Variants in MAP2K5 observed in about 807,000 individuals in gnomAD.
MAP2K5 encodes dual specificity mitogen-activated protein kinase kinase 5.
In MAP2K5, 49 loss-of-function variants were observed where a neutral mutation model predicts 83.1. The ratio of observed to expected loss-of-function variants is 0.59; its 90% CI spans 0.47 to 0.75. The LOEUF is 0.75. Among genes scored for constraint, MAP2K5 ranks in the 30% least tolerant of loss-of-function variants. The probability of loss-of-function intolerance (pLI) is 0.00; values close to 1 mark genes in which losing one functional copy is unlikely to be tolerated. For synonymous variants in MAP2K5, 202 were observed against 191.8 expected, an observed-to-expected ratio of 1.05 and a Z score of -0.44; for missense variants, 457 against 557.5, an observed-to-expected ratio of 0.82 and a Z score of 1.82.
Position 67,756,562 on chromosome 15 carries a change from TTGA to T in MAP2K5, c.1134+7963_1134+7965del, listed in dbSNP as rs1200345864. Among the ~76,000 whole-genome samples the T allele has an allele frequency of 1.6e-4, 10 of 61,906 alleles. No individual in the cohort carries two copies. In the East Asian group the frequency reaches 3.2e-3, roughly 20 times the overall value. 40.6% of individuals were successfully genotyped at this position (61,906 alleles called of 152,430 possible). ...GTGTGTGTGTGTGTGTGTGTGTGTGTTGATAACACTTACGATCTACTCCCTTGG... is the reference window on the plus strand; with the variant it reads ...GTGTGTGTGTGTGTGTGTGTGTGTGTTAACACTTACGATCTACTCCCTTGG... On this transcript the variant is annotated intron_variant, in intron 19 of 21. Transcript: ENST00000178640.
Position 67,637,897 on chromosome 15 carries a change from T to C in MAP2K5, c.585+6970T>C, listed in dbSNP as rs1328723256. 8.0e-6 allele frequency among the ~76,000 whole-genome samples: 1 copy of C among 124,414 alleles called. No homozygotes were observed. Among genetic ancestry groups the C allele is most frequent in the East Asian group, 2.4e-4 (1 of 4,088 alleles). 81.6% of individuals were successfully genotyped at this position (124,414 alleles called of 152,430 possible). The stretch of plus-strand genomic sequence containing the variant: ...CCCATTCTGGCTAATGTCCAATGTC[T>C]GGAAGCCTGTTGATGTGTGTGTGAG... On this transcript the variant is annotated intron_variant, in intron 9 of 21. Coordinates refer to ENST00000178640, the MANE Select transcript of MAP2K5 (RefSeq NM_145160.3). This position sits in a 1 kb window ranked among gnomAD's most constrained non-coding sequence, Gnocchi z 4.5.
intron 3 of MAP2K5, among the ~76,000 whole-genome samples, chr15:67,567,650 C>T (rs977927692): frequency 6.6e-5 from 10 of 152,156 alleles, no homozygotes; most frequent in African/African-American, 2.4e-4. Context: ...AGGCGTGAGC[C>T]ACCGCGCCCG....
chr15:67,707,591 G>A (rs986767826), intron 16 of MAP2K5, among the ~76,000 whole-genome samples: 2 of 152,188 alleles, frequency 1.3e-5, no homozygotes, highest in Non-Finnish European at 2.9e-5. Flanking sequence ...GCTGAGGAGA[G>A]CCCACCTCTG....
intron 1 of MAP2K5, among the ~76,000 whole-genome samples, chr15:67,547,428 A>AG (rs2084416351): frequency 1.3e-5 from 2 of 151,782 alleles, no homozygotes; most frequent in African/African-American, 4.8e-5. Flanking sequence ...TCATCATCAA[A>AG]ATATGTAAAC....
In MAP2K5 at chr15:67,543,220, T is replaced by A; in HGVS notation, c.-116T>A. ...TCCCTCCCCCTCATCCTCCATTCCC[T>A]TGTTTTCACCCTCTGTCCTCTGCCC... On this transcript the variant is annotated 5_prime_UTR_variant, in exon 1 of 22. It adds an upstream start codon to the 5' untranslated region. Coordinates refer to ENST00000178640, the MANE Select transcript of MAP2K5 (RefSeq NM_145160.3). The surrounding 1 kb of genome is among the most constrained non-coding windows in gnomAD (Gnocchi z 4.3). 6.0e-6 allele frequency: 6 copies of A among 1,005,552 alleles called. No homozygotes were observed. The highest frequency in any genetic ancestry group is 9.2e-6 in the Non-Finnish European group (6 of 654,268). The allele number at this position is 1,005,552 out of a possible 1,614,324, so 62.3% of individuals were successfully genotyped here.
chr15:67,748,643 C>T lies in MAP2K5; in HGVS notation c.1134+42C>T. 2 of 1,587,238 alleles carry T rather than the reference C, an allele frequency of 1.3e-6. No individual in the cohort carries two copies. On this transcript the variant is annotated intron_variant, in intron 19 of 21. Coordinates refer to ENST00000178640, the MANE Select transcript of MAP2K5 (RefSeq NM_145160.3). The surrounding 1 kb of genome is among the most constrained non-coding windows in gnomAD (Gnocchi z 4.0). The stretch of plus-strand genomic sequence containing the variant: ...TGTGCTTTCACTCCTAAAGTCATTC[C>T]TAATGGTGTGGAAAGCTTATATTTT...
intron 13 of MAP2K5, among the ~76,000 whole-genome samples, chr15:67,691,475 G>A (rs1192999424): frequency 1.3e-5 from 2 of 152,156 alleles, no homozygotes; most frequent in Non-Finnish European, 2.9e-5. Flanking sequence ...TGGAAGGTCA[G>A]GAGAAGATTA....
At chr15:67,575,174 C>A (rs894122677) in intron 3 of MAP2K5, among the ~76,000 whole-genome samples, 12 of 152,108 alleles carry the variant, frequency 7.9e-5, no homozygotes, top group Admixed American at 6.5e-5. Context: ...TTCATCAGCT[C>A]CTAATTAGTC....
rs1408755663 is a variant in MAP2K5 at position 67,708,150 on chromosome 15, TA to T, written c.1044+4749del. Reference sequence around the variant, plus strand: ...GGGCAACATAGCAAGACTCCATCTCTAAAAAAACAATTTTTTTTTTCATTTA... The same window carrying T: ...GGGCAACATAGCAAGACTCCATCTCTAAAAAACAATTTTTTTTTTCATTTA... On this transcript the variant is annotated intron_variant, in intron 16 of 21. Coordinates refer to ENST00000178640, the MANE Select transcript of MAP2K5 (RefSeq NM_145160.3). The surrounding 1 kb of genome is among the most constrained non-coding windows in gnomAD (Gnocchi z 4.9). 6.6e-6 allele frequency among the ~76,000 whole-genome samples: 1 copy of T among 151,764 alleles called. No individual in the cohort carries two copies. Among genetic ancestry groups the T allele is most frequent in the East Asian group, 1.9e-4 (1 of 5,176 alleles).
chr15:67,805,094 G>A (rs190465198), intron 21 of MAP2K5, among the ~76,000 whole-genome samples: 364 of 152,316 alleles, frequency 2.4e-3, no homozygotes, highest in African/African-American at 8.3e-3. Flanking sequence ...CTGGGCTCCA[G>A]GCCTAGCTCC....
chr15:67,701,090 T>C (rs2088405508), intron 15 of MAP2K5, among the ~76,000 whole-genome samples: 1 of 152,146 alleles, frequency 6.6e-6, no homozygotes, highest in Admixed American at 6.6e-5. Context: ...GCGTGTTTTT[T>C]CTGTATTCTG....
At chr15:67,725,244 C>A (rs919780314) in intron 16 of MAP2K5, among the ~76,000 whole-genome samples, 3 of 151,242 alleles carry the variant, frequency 2.0e-5, no homozygotes, top group Admixed American at 1.3e-4. Flanking sequence ...TCCTTTTTTA[C>A]CTTGTACAGT....
At chr15:67,584,155 T>G (rs1367605326) in intron 4 of MAP2K5, among the ~76,000 whole-genome samples, 12 of 152,202 alleles carry the variant, frequency 7.9e-5, no homozygotes, top group Admixed American at 7.9e-4. Flanking sequence ...AAAGATATGT[T>G]AAATATTAAT....
At chr15:67,550,129 T>C (rs1401931269) in intron 2 of MAP2K5, 47 bp downstream of exon 2, 7 of 1,505,780 alleles carry the variant, frequency 4.6e-6, no homozygotes, top group Admixed American at 1.7e-5. Context: ...TCTGCAGTCA[T>C]TTTTTAAAGG....
intron 8 of MAP2K5, among the ~76,000 whole-genome samples, chr15:67,623,590 C>G (rs974565797): frequency 8.9e-6 from 1 of 112,246 alleles, no homozygotes; most frequent in Non-Finnish European, 1.8e-5. Context: ...TGAAAACTTA[C>G]TATCTTCCTT....
rs187813201 is a variant in MAP2K5, at chr15:67,588,920, G to A, written c.431+2007G>A. Among the ~76,000 whole-genome samples the A allele has an allele frequency of 1.5e-4, 23 of 152,172 alleles. No individual in the cohort carries two copies. The East Asian group carries it at 2.5e-3, about 17-fold the overall frequency. Reference sequence around the variant, plus strand: ...AGCCTTGACCTCCTGGGCTCAAGTGGTCCTTCCACCTCAGCCTCCCAAGTA... The same window carrying A: ...AGCCTTGACCTCCTGGGCTCAAGTGATCCTTCCACCTCAGCCTCCCAAGTA... On this transcript the variant is annotated intron_variant, in intron 6 of 21. Transcript: ENST00000178640.
At chr15:67,658,318 A>C (rs2087139933) in intron 11 of MAP2K5, among the ~76,000 whole-genome samples, 1 of 152,132 alleles carries the variant, frequency 6.6e-6, no homozygotes, top group African/African-American at 2.4e-5. Context: ...AGTTTCTTTC[A>C]GTTTTTCATG....
chr15:67,625,730 G>T (rs921769242), intron 8 of MAP2K5, among the ~76,000 whole-genome samples: 10 of 152,198 alleles, frequency 6.6e-5, no homozygotes, highest in African/African-American at 2.2e-4. Flanking sequence ...AATTGGTACT[G>T]TCATTGCACT....
At position 67,629,921 on chromosome 15, in the gene MAP2K5, C is replaced by A. The variant is rs181947007; in HGVS notation, c.546-967C>A. ...TAATGTTCAGAATATCTAGTCCCCACAGTATATGTGTAAAGGCCACATTTC... is the reference window on the plus strand; with the variant it reads ...TAATGTTCAGAATATCTAGTCCCCAAAGTATATGTGTAAAGGCCACATTTC... On this transcript the variant is annotated intron_variant, in intron 8 of 21. Transcript: ENST00000178640. 2.3e-4 allele frequency among the ~76,000 whole-genome samples: 35 copies of A among 152,276 alleles called. No individual in the cohort carries two copies. The East Asian group carries it at 4.2e-3, about 18-fold the overall frequency.
Sources: allele counts gnomAD v4.1 joint callset (sites outside exome capture counted in the v4.1 genomes callset), GRCh38; gene constraint gnomAD v4.1.1; non-coding constraint Gnocchi (gnomAD v3.1); transcripts MANE v1.5; gene names NCBI Gene and HGNC (gene_info 2026-07-23, HGNC 2026-07-21).